Variants in DOCK2 observed in about 807,000 individuals in gnomAD.
DOCK2 encodes the protein dedicator of cytokinesis 2, also known as dedicator of cytokinesis protein 2.
DOCK2 carries 87 observed loss-of-function variants against 248.9 expected under a neutral mutation model. That is an observed-to-expected ratio of 0.35 (90% CI 0.29 to 0.42). The LOEUF is 0.42. DOCK2 is among the 10% of genes least tolerant of loss of function. DOCK2 has a pLI of 1.00. For synonymous variants in DOCK2, 805 were observed against 821.6 expected (o/e 0.98, Z 0.35); for missense variants, 1,747 against 2,300.2 (o/e 0.76, Z 4.92).
rs763950012 is a variant in DOCK2 at position 169,835,259 on chromosome 5, G to GTTTTTTTTTTTTTTTTTTTTTTTTTTT, written c.2704-5498_2704-5497insTTTTTTTTTTTTTTTTTTTTTTTTTTT. Among the ~76,000 whole-genome samples the GTTTTTTTTTTTTTTTTTTTTTTTTTTT allele has an allele frequency of 2.2e-5, 3 of 138,610 alleles. 1 individual carries two copies. 90.9% of individuals were successfully genotyped at this position (138,610 alleles called of 152,430 possible). ...AGTGGGAGGAAAGAGTGAAATGCCT[G>GTTTTTTTTTTTTTTTTTTTTTTTTTTT]GTTTTTTTTTTTTTTTTTTTGAGAC... On this transcript the variant is annotated intron_variant, in intron 26 of 51. Coordinates refer to ENST00000520908, the MANE Select transcript of DOCK2 (RefSeq NM_004946.3).
intron 27 of DOCK2, among the ~76,000 whole-genome samples, chr5:169,841,136 C>G (rs1240641015): frequency 1.3e-5 from 2 of 152,180 alleles, no homozygotes; most frequent in African/African-American, 4.8e-5. Flanking sequence ...GGGAGAGCAG[C>G]TTTTGTAAGT....
At chr5:169,762,243 T>C (rs1351483983) in intron 25 of DOCK2, among the ~76,000 whole-genome samples, 1 of 152,184 alleles carries the variant, frequency 6.6e-6, no homozygotes, top group African/African-American at 2.4e-5. Context: ...TGTTTGCTTC[T>C]AGGCACACTC....
At chr5:169,658,479 C>CAAAAAAAAA (rs5873187) in intron 2 of DOCK2, among the ~76,000 whole-genome samples, 1 of 76,054 alleles carries the variant, frequency 1.3e-5, no homozygotes, top group Non-Finnish European at 2.4e-5. Context: ...GCCTCCGTCT[C>CAAAAAAAAA]AAAAAAAAAA....
chr5:169,892,243 C>T (rs1773340547), intron 27 of DOCK2, among the ~76,000 whole-genome samples: 1 of 152,120 alleles, frequency 6.6e-6, no homozygotes, highest in Admixed American at 6.5e-5. Context: ...ATGAAGACAA[C>T]CCCCCTCATT....
chr5:169,938,195 A>C (rs1171768451), intron 27 of DOCK2, among the ~76,000 whole-genome samples: 4 of 151,088 alleles, frequency 2.6e-5, no homozygotes, highest in African/African-American at 9.7e-5. Context: ...CACAGCTGCC[A>C]CCTTAAAGAA....
intron 44 of DOCK2, 105 bp from the exon 45 acceptor site, chr5:170,067,405 T>C: frequency 8.4e-7 from 1 of 1,184,266 alleles, no homozygotes; most frequent in South Asian, 1.5e-5. Context: ...TAGGGAGCAT[T>C]GCCTCATTTG....
chr5:169,947,974 G>A (rs1451418352), intron 27 of DOCK2, among the ~76,000 whole-genome samples: 1 of 152,200 alleles, frequency 6.6e-6, no homozygotes, highest in Non-Finnish European at 1.5e-5. Flanking sequence ...GCAATTGCCA[G>A]AAGCAGGGTC....
intron 1 of DOCK2, among the ~76,000 whole-genome samples, chr5:169,649,905 G>T (rs1395718524): frequency 1.3e-5 from 2 of 151,952 alleles, no homozygotes; most frequent in Non-Finnish European, 2.9e-5. Context: ...CCAGGTTCAA[G>T]CAATTCTCCT....
intron 30 of DOCK2, among the ~76,000 whole-genome samples, chr5:169,998,355 C>G (rs932501914): frequency 2.0e-5 from 3 of 152,190 alleles, no homozygotes; most frequent in African/African-American, 4.8e-5. Context: ...CTGAGAGCAC[C>G]AGCCTATGAG....
intron 27 of DOCK2, among the ~76,000 whole-genome samples, chr5:169,941,121 G>A (rs1581449413): frequency 6.6e-6 from 1 of 152,304 alleles, no homozygotes; most frequent in South Asian, 2.1e-4. Context: ...GCGCCCCGAA[G>A]GGAAAGCACA....
intron 1 of DOCK2, 129 bp from the exon 2 acceptor site, chr5:169,654,274 G>A (rs1581390045): frequency 1.1e-6 from 1 of 926,712 alleles, no homozygotes; most frequent in South Asian, 1.6e-5. Flanking sequence ...ATAGGTTTCT[G>A]TGTTGGTTTT....
intron 23 of DOCK2, among the ~76,000 whole-genome samples, chr5:169,758,136 G>A (rs1026354026): frequency 6.6e-6 from 1 of 152,168 alleles, no homozygotes; most frequent in Non-Finnish European, 1.5e-5. Context: ...GGCTGAAGAA[G>A]GTATAATGTA....
intron 27 of DOCK2, chr5:169,875,116 TCATGGGC>T: frequency 2.3e-6 from 1 of 437,718 alleles, no homozygotes; most frequent in Admixed American, 2.5e-5. Context: ...TATTTTTTAT[TCATGGGC>T]TGGTTGTCAC....
chr5:169,680,556 G>A (rs1337813282), intron 6 of DOCK2, among the ~76,000 whole-genome samples: 1 of 152,028 alleles, frequency 6.6e-6, no homozygotes, highest in Non-Finnish European at 1.5e-5. Context: ...TATTTAAAAA[G>A]AGGCTAGGTA....
intron 46 of DOCK2, among the ~76,000 whole-genome samples, chr5:170,075,142 TC>T (rs1047320556): frequency 6.6e-6 from 1 of 152,148 alleles, no homozygotes; most frequent in Non-Finnish European, 1.5e-5. Context: ...AAGCAATTTT[TC>T]CCCCAAGTAA....
intron 23 of DOCK2, among the ~76,000 whole-genome samples, chr5:169,752,900 A>G (rs1383559745): frequency 6.6e-6 from 1 of 152,092 alleles, no homozygotes; most frequent in African/African-American, 2.4e-5. Context: ...TCTCGCCTCT[A>G]CTAAAAATAC....
chr5:169,645,358 C>T (rs929345269), intron 1 of DOCK2, among the ~76,000 whole-genome samples: 4 of 152,094 alleles, frequency 2.6e-5, no homozygotes, highest in African/African-American at 9.7e-5. Flanking sequence ...TCTCATTGTG[C>T]ATTTCTCAGA....
intron 27 of DOCK2, among the ~76,000 whole-genome samples, chr5:169,893,902 G>A (rs1413228860): frequency 6.6e-6 from 1 of 152,200 alleles, no homozygotes; most frequent in Non-Finnish European, 1.5e-5. Flanking sequence ...CTGTGGTTTT[G>A]TGGTACTTGG....
rs144645677 is a variant in DOCK2 at position 169,742,352 on chromosome 5, G to C, written c.2268-5044G>C. On this transcript the variant is annotated intron_variant, in intron 22 of 51. Transcript: ENST00000520908. ...TGTTTGATTTTCGAGCAACCTTATG[G>C]GGCTAATACAATTTTACTAATGAGA... 7.0e-3 allele frequency among the ~76,000 whole-genome samples: 1,072 copies of C among 152,198 alleles called. 11 individuals carry two copies. The highest frequency in any genetic ancestry group is 0.025 in the African/African-American group (1,028 of 41,514).
Sources: gnomAD v4.1 joint callset for allele counts (sites outside exome capture counted in the v4.1 genomes callset) on GRCh38, gnomAD v4.1.1 for gene constraint, MANE v1.5 for transcripts, NCBI Gene and HGNC (gene_info 2026-07-23, HGNC 2026-07-21) for gene names.